Variants in OR9Q1 observed in about 807,000 individuals in gnomAD.
The protein encoded by OR9Q1 is olfactory receptor family 9 subfamily Q member 1, also known as olfactory receptor 9Q1.
For missense variants in OR9Q1, 374 were observed against 378.8 expected, an observed-to-expected ratio of 0.99 and a Z score of 0.11; for synonymous variants, 153 against 148.6, an observed-to-expected ratio of 1.03 and a Z score of -0.22.
intron 2 of OR9Q1, among the ~76,000 whole-genome samples, chr11:58,078,864 T>A (rs959937722): frequency 2.0e-5 from 3 of 152,226 alleles, no homozygotes; most frequent in Non-Finnish European, 4.4e-5. Flanking sequence ...AACTGGAGTC[T>A]TCCACAAAGA....
intron 2 of OR9Q1, among the ~76,000 whole-genome samples, chr11:58,130,643 A>G (rs1025377402): frequency 2.0e-5 from 3 of 152,074 alleles, no homozygotes; most frequent in African/African-American, 7.2e-5. Context: ...AAATTACCAA[A>G]AAGTAAAACA....
At chr11:58,152,940 C>T (rs545998257) in intron 2 of OR9Q1, among the ~76,000 whole-genome samples, 5 of 152,286 alleles carry the variant, frequency 3.3e-5, no homozygotes, top group East Asian at 3.9e-4. Flanking sequence ...CTCTGGAATC[C>T]GAGCTCCAGG....
intron 2 of OR9Q1, among the ~76,000 whole-genome samples, chr11:58,113,458 G>T (rs1428089670): frequency 6.6e-6 from 1 of 152,176 alleles, no homozygotes; most frequent in Non-Finnish European, 1.5e-5. Flanking sequence ...GAGGCTAGGA[G>T]ACACTTCCCA....
intron 2 of OR9Q1, among the ~76,000 whole-genome samples, chr11:58,126,608 A>G (rs1311313186): frequency 1.3e-5 from 2 of 152,246 alleles, no homozygotes; most frequent in Non-Finnish European, 2.9e-5. Flanking sequence ...GCCACAGATC[A>G]GGACTCCTGG....
At chr11:58,109,210 C>T (rs61738000) in intron 2 of OR9Q1, 69,498 of 470,244 alleles carry the variant, frequency 0.15, 5,679 homozygotes, top group South Asian at 0.2. Context: ...TGACACCCCA[C>T]AGATGAAGGC....
At chr11:58,034,143 T>A (rs1480337649) in intron 1 of OR9Q1, among the ~76,000 whole-genome samples, 1 of 131,192 alleles carries the variant, frequency 7.6e-6, no homozygotes, top group East Asian at 2.6e-4. Flanking sequence ...GGGAGTGCGG[T>A]GGCGTGATCT....
At chr11:58,066,468 G>T (rs1468607196) in intron 2 of OR9Q1, among the ~76,000 whole-genome samples, 1 of 152,102 alleles carries the variant, frequency 6.6e-6, no homozygotes, top group Non-Finnish European at 1.5e-5. Context: ...CACCTGCTGG[G>T]GCTTCCATGG....
intron 2 of OR9Q1, chr11:58,119,176 G>A (rs759251393): frequency 2.8e-5 from 45 of 1,613,900 alleles, no homozygotes; most frequent in Non-Finnish European, 3.6e-5. Context: ...GGAGATGACC[G>A]TTTTGCCTGT....
chr11:58,056,787 A>G (rs2119984456), intron 2 of OR9Q1, among the ~76,000 whole-genome samples: 1 of 152,250 alleles, frequency 6.6e-6, no homozygotes, highest in African/African-American at 2.4e-5. Flanking sequence ...TATTAGGCAG[A>G]GAAAATAGAG....
intron 1 of OR9Q1, among the ~76,000 whole-genome samples, chr11:58,054,918 T>A (rs1391324653): frequency 1.3e-5 from 2 of 152,198 alleles, no homozygotes; most frequent in Non-Finnish European, 2.9e-5. Flanking sequence ...AGCAAGACTT[T>A]GTCTCAAACA....
intron 1 of OR9Q1, among the ~76,000 whole-genome samples, chr11:58,039,607 G>A (rs1565057153): frequency 1.3e-5 from 2 of 152,154 alleles, no homozygotes; most frequent in South Asian, 4.1e-4. Context: ...AGCAGACTTT[G>A]CATAGGTGGT....
chr11:58,080,428 T>A (rs1002382807), intron 2 of OR9Q1, among the ~76,000 whole-genome samples: 3 of 152,170 alleles, frequency 2.0e-5, no homozygotes, highest in Non-Finnish European at 2.9e-5. Flanking sequence ...GTCTTTGTAT[T>A]GTGCATAGTG....
rs538667275 is a variant in OR9Q1, at chr11:58,098,008, G to A, written c.-15+42061G>A. ...AGAAACTTTTTGGAGTGATGGATAT[G>A]TCCTTTATGTTGATTACGGTAATTG... On this transcript the variant is annotated intron_variant, in intron 2 of 2. Transcript: ENST00000335397. Among the ~76,000 whole-genome samples the A allele has an allele frequency of 2.8e-3, 430 of 152,284 alleles. 2 individuals carry two copies. Among genetic ancestry groups the A allele is most frequent in the African/African-American group, 9.8e-3 (409 of 41,560 alleles).
At chr11:58,119,447 A>G in intron 2 of OR9Q1, 1 of 1,573,752 alleles carries the variant, frequency 6.4e-7, no homozygotes, top group Non-Finnish European at 8.7e-7. Context: ...TTGGCCATGG[A>G]GACAATGTGG....
chr11:58,146,531 C>G (rs931685676), intron 2 of OR9Q1, among the ~76,000 whole-genome samples: 2 of 152,076 alleles, frequency 1.3e-5, no homozygotes, highest in Admixed American at 6.6e-5. Context: ...GATATGGTTC[C>G]TTCAGCATGG....
At chr11:58,137,725 AC>A (rs1302486617) in intron 2 of OR9Q1, among the ~76,000 whole-genome samples, 2 of 152,142 alleles carry the variant, frequency 1.3e-5, no homozygotes, top group African/African-American at 4.8e-5. Context: ...ATTTACCTAA[AC>A]CAAGTTTCTT....
At chr11:58,159,103 G>T (rs1430969160) in intron 2 of OR9Q1, among the ~76,000 whole-genome samples, 1 of 152,062 alleles carries the variant, frequency 6.6e-6, no homozygotes, top group Non-Finnish European at 1.5e-5. Context: ...ATAAAAATCA[G>T]ATGTATCAGG....
At chr11:58,120,803 CATATATATATAT>C (rs61634454) in intron 2 of OR9Q1, among the ~76,000 whole-genome samples, 1 of 132,684 alleles carries the variant, frequency 7.5e-6, no homozygotes, top group Non-Finnish European at 1.6e-5. Context: ...ATTTCAATAC[CATATATATATAT>C]ATATATATAT....
intron 1 of OR9Q1, 74 bp from the exon 2 acceptor site, chr11:58,055,796 T>G (rs1229487640): frequency 9.1e-5 from 2 of 22,034 alleles, no homozygotes; most frequent in African/African-American, 1.7e-4. Flanking sequence ...CGAGACTCTA[T>G]CTCTAAAAAA....
Sources: gnomAD v4.1 joint callset for allele counts (sites outside exome capture counted in the v4.1 genomes callset) on GRCh38, gnomAD v4.1.1 for gene constraint, MANE v1.5 for transcripts, NCBI Gene and HGNC (gene_info 2026-07-23, HGNC 2026-07-21) for gene names.